Variants in FBXO31 observed in about 807,000 individuals in gnomAD.
The protein encoded by FBXO31 is F-box only protein 31.
FBXO31 carries 24 observed loss-of-function variants against 54.4 expected under a neutral mutation model. The observed-to-expected ratio is 0.44, with a 90% CI of 0.32 to 0.62. FBXO31 has a LOEUF of 0.62. Among genes scored for constraint, FBXO31 ranks in the 20% least tolerant of loss-of-function variants. FBXO31 has a pLI of 0.05. For synonymous variants in FBXO31, 388 were observed against 335.6 expected (o/e 1.16, Z -1.71); for missense variants, 665 against 787.1 (o/e 0.84, Z 1.86).
chr16:87,356,624 T>A (rs1259151874), intron 2 of FBXO31, among the ~76,000 whole-genome samples: 5 of 152,188 alleles, frequency 3.3e-5, no homozygotes, highest in African/African-American at 1.2e-4. Flanking sequence ...CCGCACCAAC[T>A]ACACGAAGGT....
chr16:87,357,926 AAAG>A (rs1396083256), intron 2 of FBXO31, among the ~76,000 whole-genome samples: 9 of 152,138 alleles, frequency 5.9e-5, no homozygotes, highest in African/African-American at 7.2e-5. Context: ...CAAAAAAAAA[AAAG>A]GAGTCAACTG....
chr16:87,340,566 G>C (rs1905160619), intron 5 of FBXO31, among the ~76,000 whole-genome samples: 1 of 152,232 alleles, frequency 6.6e-6, no homozygotes, highest in African/African-American at 2.4e-5. Flanking sequence ...ATAAAAGCAT[G>C]AGCTCATTTG....
intron 2 of FBXO31, among the ~76,000 whole-genome samples, chr16:87,356,455 G>T (rs969828848): frequency 2.0e-5 from 3 of 151,490 alleles, no homozygotes; most frequent in Non-Finnish European, 4.4e-5. Context: ...CGTGTTCCCC[G>T]TCCACAGACT....
chr16:87,343,096 T>G, intron 4 of FBXO31, 145 bp from the exon 5 acceptor site: 7 of 642,756 alleles, frequency 1.1e-5, no homozygotes, highest in Non-Finnish European at 1.9e-5. Flanking sequence ...ACCAACGCGG[T>G]GCCAGCGGAG....
At chr16:87,387,393 C>T (rs1441275860), upstream of FBXO31, among the ~76,000 whole-genome samples, 1 of 152,194 alleles carries the variant, frequency 6.6e-6, no homozygotes, top group African/African-American at 2.4e-5. Context: ...TGAGGCTTTA[C>T]AATAATGACC....
chr16:87,383,795 C>T, upstream of FBXO31: 7 of 1,146,480 alleles, frequency 6.1e-6, no homozygotes, highest in Non-Finnish European at 7.5e-6. The surrounding 1 kb of genome is among the most constrained non-coding windows in gnomAD (Gnocchi z 4.9). Context: ...TCCAGCGCGG[C>T]CCCGCCCCGC....
At chr16:87,333,090 T>C (rs1904919480) in intron 8 of FBXO31, among the ~76,000 whole-genome samples, 1 of 152,154 alleles carries the variant, frequency 6.6e-6, no homozygotes, top group African/African-American at 2.4e-5. Context: ...CTCTAAAGGG[T>C]AAGGACACGG....
chr16:87,327,687 G>A lies in FBXO31; in HGVS notation c.*3601C>T, dbSNP rs563986264. 1.3e-5 allele frequency: 2 copies of A among 152,334 alleles called. No homozygotes were observed. Among genetic ancestry groups the A allele is most frequent in the South Asian group, 4.2e-4 (2 of 4,818 alleles). The allele number at this position is 152,334 out of a possible 1,614,324, so 9.4% of individuals were successfully genotyped here. On this transcript the variant is annotated 3_prime_UTR_variant, in exon 9 of 9. Transcript: ENST00000311635. ...CAACAAAAAAAGTACCAGCCGCATGGAGACTATCTGCTGCTTGCATCTTCT... is the reference window on the plus strand; with the variant it reads ...CAACAAAAAAAGTACCAGCCGCATGAAGACTATCTGCTGCTTGCATCTTCT...
chr16:87,342,826 G>A (rs767316746), intron 5 of FBXO31, 51 bp downstream of exon 5: 3 of 1,500,498 alleles, frequency 2.0e-6, no homozygotes, highest in Non-Finnish European at 2.7e-6. Context: ...TTCCCCGTGG[G>A]GAAAGGAAAG....
At position 87,383,392 on chromosome 16, in the gene FBXO31, C is replaced by T; in HGVS notation, c.340+13G>A. 6.5e-7 allele frequency: 1 copy of T among 1,531,014 alleles called. No individual in the cohort carries two copies. The highest frequency in any genetic ancestry group is 8.8e-7 in the Non-Finnish European group (1 of 1,139,600). The allele number at this position is 1,531,014 out of a possible 1,614,324, so 94.8% of individuals were successfully genotyped here. ...CCCCGCCCCTCCCGGCCCCGCCACC[C>T]CCGCGCGCTCACCCTCACGGCAACG... is the stretch of plus-strand genomic sequence containing the variant. On this transcript the variant is annotated intron_variant, in intron 1 of 8. Transcript: ENST00000311635. The surrounding 1 kb of genome is among the most constrained non-coding windows in gnomAD (Gnocchi z 4.9).
Position 87,383,529 on chromosome 16 carries a change from G to A in FBXO31, c.216C>T (p.Pro72=), listed in dbSNP as rs775427414. 5 of 1,580,682 alleles carry A rather than the reference G, an allele frequency of 3.2e-6. No individual in the cohort carries two copies. The highest frequency in any genetic ancestry group is 1.8e-5 in the Admixed American group (1 of 56,022). ...ACGCGAAGATCTCCACCAGCAGCTC[G>A]GGCGGCAGCTCCAGCAGCGAGCAGC... ...PPRCSLLELP[P]ELLVEIFASL... The change falls in exon 1 of 9, where the codon CCC becomes CCT. Residue 72 remains proline (P), a synonymous_variant. Coordinates refer to ENST00000311635, the MANE Select transcript of FBXO31 (RefSeq NM_024735.5). This position sits in a 1 kb window ranked among gnomAD's most constrained non-coding sequence, Gnocchi z 4.9.
chr16:87,376,688 C>A (rs1382788650), intron 1 of FBXO31, among the ~76,000 whole-genome samples: 1 of 152,208 alleles, frequency 6.6e-6, no homozygotes, highest in Non-Finnish European at 1.5e-5. Context: ...ACTCACCAAC[C>A]CCCAAGACAC....
chr16:87,344,151 G>A lies in FBXO31; in HGVS notation c.490-386C>T, dbSNP rs546744492. ...GAAGCATCCCATGGCCTGGGCAACA[G>A]GCAACACAAGGACCGTGTGCCACTT... On this transcript the variant is annotated intron_variant, in intron 3 of 8. Transcript: ENST00000311635. Among the ~76,000 whole-genome samples, 9 of 152,374 alleles carry A rather than the reference G, an allele frequency of 5.9e-5. No homozygotes were observed. The South Asian group carries it at 8.3e-4, about 14-fold the overall frequency.
rs1597382589 is a variant in FBXO31, at chr16:87,383,578, G to C, written c.167C>G (p.Ala56Gly). 14 of 1,500,834 alleles carry C rather than the reference G, an allele frequency of 9.3e-6. No individual in the cohort carries two copies. Among genetic ancestry groups the C allele is most frequent in the Non-Finnish European group, 1.2e-5 (13 of 1,130,358 alleles). The allele number at this position is 1,500,834 out of a possible 1,614,324, so 93.0% of individuals were successfully genotyped here. The change falls in exon 1 of 9, where the codon GCG (alanine) becomes GGG (glycine). Residue 56 changes from alanine (A) to glycine (G), a missense_variant. By Grantham distance (60) the Ala-to-Gly change is moderately conservative. This residue lies in a region of FBXO31 where 195 missense variants were observed against 174.8 expected (regional missense o/e 1.12). Coordinates refer to ENST00000311635, the MANE Select transcript of FBXO31 (RefSeq NM_024735.5). The surrounding 1 kb of genome is among the most constrained non-coding windows in gnomAD (Gnocchi z 4.9). ...ASAGVGGGLC[A>G]GPSPPPPRCS... The stretch of plus-strand genomic sequence containing the variant: ...GCGCGGGGGCGGCGGCGAGGGGCCC[G>C]CGCACAAGCCGCCCCCGACCCCGGC...
rs537943127 is a variant in FBXO31, at chr16:87,335,715, G to A, written c.843-258C>T. On this transcript the variant is annotated intron_variant, in intron 6 of 8. Transcript: ENST00000311635. This position sits in a 1 kb window ranked among gnomAD's most constrained non-coding sequence, Gnocchi z 5.7. ...AGCGCCAGGGCAGAGCTTTAGGTGG[G>A]AGGGAAAAGGAAGTGCCAGTTTGCT... 3.3e-5 allele frequency among the ~76,000 whole-genome samples: 5 copies of A among 152,322 alleles called. No homozygotes were observed. The South Asian group carries it at 6.2e-4, about 19-fold the overall frequency.
At chr16:87,341,643 G>GT (rs1905198297) in intron 5 of FBXO31, among the ~76,000 whole-genome samples, 5 of 119,194 alleles carry the variant, frequency 4.2e-5, no homozygotes, top group Admixed American at 2.1e-4. Context: ...GCAACAGAGC[G>GT]AGACTCCGTC....
chr16:87,390,591 C>G (rs909451262), upstream of FBXO31, among the ~76,000 whole-genome samples: 1 of 151,614 alleles, frequency 6.6e-6, no homozygotes, highest in African/African-American at 2.4e-5. Context: ...CAGGCGCCTG[C>G]CACCACACCC....
upstream of FBXO31, among the ~76,000 whole-genome samples, chr16:87,384,875 A>C (rs1435172293): frequency 6.6e-6 from 1 of 152,120 alleles, no homozygotes; most frequent in Non-Finnish European, 1.5e-5. Context: ...CAAACAAAAA[A>C]CAAAAATAGC....
Position 87,357,739 on chromosome 16 carries a change from T to C in FBXO31, c.412+2556A>G, listed in dbSNP as rs376487906. ...ATGGGCAGATCACTTGAGACCAGCC[T>C]GGCCAACATGATGAAACCCCATCTC... On this transcript the variant is annotated intron_variant, in intron 2 of 8. Transcript: ENST00000311635. Among the ~76,000 whole-genome samples, 130 of 152,260 alleles carry C rather than the reference T, an allele frequency of 8.5e-4. 5 individuals carry two copies. Among genetic ancestry groups the C allele is most frequent in the African/African-American group, 3.0e-3 (124 of 41,556 alleles).
Sources: allele counts gnomAD v4.1 joint callset (sites outside exome capture counted in the v4.1 genomes callset), GRCh38; gene constraint gnomAD v4.1.1; regional missense constraint gnomAD v4.1.1; non-coding constraint Gnocchi (gnomAD v3.1); transcripts MANE v1.5; gene names NCBI Gene and HGNC (gene_info 2026-07-23, HGNC 2026-07-21).